The following DPYSL4 variants were observed in gnomAD, a reference collection of about 807,000 sequenced individuals.
DPYSL4 encodes dihydropyrimidinase-related protein 4.
DPYSL4 carries 43 observed loss-of-function variants against 63.4 expected under a neutral mutation model. The ratio of observed to expected loss-of-function variants is 0.68; its 90% CI spans 0.53 to 0.88. The LOEUF is 0.88. DPYSL4 is among the 40% of genes least tolerant of loss of function. The pLI is 0.00. For missense variants in DPYSL4, 733 were observed against 819.5 expected, an observed-to-expected ratio of 0.89 and a Z score of 1.29; for synonymous variants, 353 against 331.7, an observed-to-expected ratio of 1.06 and a Z score of -0.70.
chr10:132,192,438 G>A (rs944798137), intron 2 of DPYSL4: 38 of 1,204,036 alleles, frequency 3.2e-5, no homozygotes, highest in Non-Finnish European at 3.8e-5. Flanking sequence ...CGTGGCGTCT[G>A]CGTGAGGCTG....
At chr10:132,202,601 G>A (rs1045578424) in intron 11 of DPYSL4, 45 bp from the exon 12 acceptor site, 2 of 1,604,128 alleles carry the variant, frequency 1.2e-6, no homozygotes, top group Admixed American at 1.7e-5. Context: ...TGGGACTGTT[G>A]GGCCCCAGCG....
chr10:132,190,794 G>A lies in DPYSL4; in HGVS notation c.87G>A (p.Gln29=). The change falls in exon 2 of 14, where the codon CAG becomes CAA. Residue 29 remains glutamine, a synonymous_variant. Transcript: ENST00000338492. ...IRGGRIVNDD[Q]SFYADVHVED... ...GTGGGAGGATCGTGAATGACGACCA[G>A]TCCTTTTACGCTGATGTGCACGTGG... 6.2e-7 allele frequency: 1 copy of A among 1,613,884 alleles called. No individual in the cohort carries two copies. Among genetic ancestry groups the A allele is most frequent in the Non-Finnish European group, 8.5e-7 (1 of 1,179,894 alleles).
At chr10:132,202,981 G>A (rs1357918659) in intron 12 of DPYSL4, among the ~76,000 whole-genome samples, 156 bp downstream of exon 12, 1 of 152,230 alleles carries the variant, frequency 6.6e-6, no homozygotes, top group Non-Finnish European at 1.5e-5. Flanking sequence ...GGGTCTAAGT[G>A]GAGAAGAGCC....
At chr10:132,196,769 A>AC in intron 4 of DPYSL4, 92 bp from the exon 5 acceptor site, 10 of 1,444,368 alleles carry the variant, frequency 6.9e-6, no homozygotes, top group Non-Finnish European at 9.7e-6. Context: ...GGGGCCCAAG[A>AC]CCCCCAACCC....
Position 132,200,940 on chromosome 10 carries a change from A to G in DPYSL4, c.1067A>G (p.Asn356Ser). 1 of 1,613,338 alleles carries G rather than the reference A, an allele frequency of 6.2e-7. No homozygotes were observed. Among genetic ancestry groups the G allele is most frequent in the East Asian group, 2.2e-5 (1 of 44,886 alleles). ...DNFALIPEGT[N>S]GIEERMSMVW... ...TTCGCGCTGATCCCCGAGGGCACCA[A>G]CGGCATTGAGGAGCGCATGTCGATG... Residue 356 changes from asparagine to serine, a missense_variant, in exon 10 of 14, where the codon AAC (asparagine) becomes AGC (serine). Transcript: ENST00000338492.
In DPYSL4 at chr10:132,200,521, C is replaced by T. The variant is rs751207102; in HGVS notation, c.968+9C>T. On this transcript the variant is annotated intron_variant, in intron 9 of 13. Coordinates refer to ENST00000338492, the MANE Select transcript of DPYSL4 (RefSeq NM_006426.3). ...ACCTGCTTGCTGTCCAGGTAAGCAG[C>T]CTCTCCAGGTGGCCCCAGGTTGGCC... The T allele has an allele frequency of 3.1e-6, 5 of 1,612,308 alleles. No individual in the cohort carries two copies. The highest frequency in any genetic ancestry group is 1.7e-5 in the Admixed American group (1 of 59,958).
chr10:132,201,936 TG>T lies in DPYSL4; in HGVS notation c.1111-9del. 6.2e-7 allele frequency: 1 copy of T among 1,607,916 alleles called. No individual in the cohort carries two copies. On this transcript the variant is annotated splice_polypyrimidine_tract_variant and intron_variant, in intron 10 of 13. Coordinates refer to ENST00000338492, the MANE Select transcript of DPYSL4 (RefSeq NM_006426.3). Reference sequence around the variant, plus strand: ...CCCGTCGCCCTCAGCTCAGCCTTCTTGTTCCCCAGGCCTCTGGGAAGATGGA... The same window carrying T: ...CCCGTCGCCCTCAGCTCAGCCTTCTTTTCCCCAGGCCTCTGGGAAGATGGA...
chr10:132,203,957 T>C (rs1590107957), intron 13 of DPYSL4, 30 bp downstream of exon 13: 1 of 1,573,470 alleles, frequency 6.4e-7, no homozygotes, highest in East Asian at 2.3e-5. Context: ...CCAGTGGGGG[T>C]GAGGGGCTCT....
intron 9 of DPYSL4, 67 bp downstream of exon 9, chr10:132,200,579 C>T (rs1005189576): frequency 1.6e-5 from 25 of 1,578,830 alleles, no homozygotes; most frequent in African/African-American, 6.7e-5. Context: ...GCTGTGGCCC[C>T]GACACCCCAG....
rs1427474034 is a variant in DPYSL4 at position 132,198,974 on chromosome 10, G to C, written c.811+3G>C. The C allele has an allele frequency of 1.2e-6, 2 of 1,603,354 alleles. No individual in the cohort carries two copies. The highest frequency in any genetic ancestry group is 2.2e-5 in the South Asian group (2 of 90,130). ...CATCGCTCAGGCCAAGCGCAGAGGT[G>C]AGCACCCAGCCCCGCCTCTGATGCC... On this transcript the variant is annotated splice_donor_region_variant and intron_variant, in intron 8 of 13. Transcript: ENST00000338492.
intron 4 of DPYSL4, among the ~76,000 whole-genome samples, chr10:132,196,397 C>T (rs979600563): frequency 6.6e-6 from 1 of 152,244 alleles, no homozygotes; most frequent in African/African-American, 2.4e-5. Context: ...GTGAGCCAGG[C>T]ATGGCAAGTG....
intron 4 of DPYSL4, among the ~76,000 whole-genome samples, chr10:132,195,825 G>T (rs1259318359): frequency 1.3e-5 from 2 of 152,236 alleles, no homozygotes; most frequent in Non-Finnish European, 2.9e-5. Context: ...TCTGTGAGTG[G>T]ACTCGGGAGG....
intron 12 of DPYSL4, chr10:132,203,481 T>C (rs1346465888): frequency 2.1e-6 from 1 of 482,714 alleles, no homozygotes; most frequent in Non-Finnish European, 3.7e-6. Flanking sequence ...GCACCTGTGT[T>C]GGTAAGACTG....
chr10:132,189,949 G>T (rs963173805), intron 1 of DPYSL4, among the ~76,000 whole-genome samples: 5 of 152,182 alleles, frequency 3.3e-5, no homozygotes, highest in Admixed American at 6.5e-5. Context: ...CCCACCAGAA[G>T]GTTCCATCCC....
chr10:132,202,472 G>A (rs1430208027), intron 11 of DPYSL4, among the ~76,000 whole-genome samples, 174 bp from the exon 12 acceptor site: 1 of 152,226 alleles, frequency 6.6e-6, no homozygotes, highest in Non-Finnish European at 1.5e-5. Flanking sequence ...TAGGCCGAGG[G>A]GGGGCATTCC....
At chr10:132,202,167 C>A (rs536307484) in intron 11 of DPYSL4, 51 bp downstream of exon 11, 110 of 1,578,566 alleles carry the variant, frequency 7.0e-5, no homozygotes, top group Non-Finnish European at 9.2e-5. Flanking sequence ...GGCCGGGACC[C>A]CAGGGCAGCC....
intron 4 of DPYSL4, among the ~76,000 whole-genome samples, chr10:132,195,937 G>A (rs1368077641): frequency 6.6e-6 from 1 of 152,216 alleles, no homozygotes; most frequent in Non-Finnish European, 1.5e-5. Context: ...GAGCCATGCA[G>A]GAGTCCTCAG....
In DPYSL4 at chr10:132,194,920, C is replaced by A. The variant is rs752975196; in HGVS notation, c.389C>A (p.Ala130Glu). The change falls in exon 4 of 14, where the codon GCG (alanine) becomes GAG (glutamate). Residue 130 changes from alanine (A) to glutamate (E), a missense_variant. By Grantham distance (107) the Ala-to-Glu change is moderately radical. Coordinates refer to ENST00000338492, the MANE Select transcript of DPYSL4 (RefSeq NM_006426.3). The stretch of plus-strand genomic sequence containing the variant: ...CAGTGGCGGGAGCGGGCGGACAGCG[C>A]GGCCTGCTGCGACTACTCCCTGCAC... ...YEQWRERADS[A>E]ACCDYSLHVD... The A allele has an allele frequency of 1.2e-6, 2 of 1,612,414 alleles. No homozygotes were observed. The highest frequency in any genetic ancestry group is 1.7e-6 in the Non-Finnish European group (2 of 1,179,924).
chr10:132,193,727 T>C (rs957945982), intron 3 of DPYSL4, among the ~76,000 whole-genome samples: 2 of 152,234 alleles, frequency 1.3e-5, no homozygotes, highest in Non-Finnish European at 2.9e-5. Context: ...TGTTGATCTG[T>C]AAAACAGAAC....
Sources: allele counts gnomAD v4.1 joint callset (sites outside exome capture counted in the v4.1 genomes callset), GRCh38; gene constraint gnomAD v4.1.1; transcripts MANE v1.5; gene names NCBI Gene and HGNC (gene_info 2026-07-23, HGNC 2026-07-21).